RELCH: variants seen among roughly 807,000 people sequenced by gnomAD.
RELCH encodes the protein RAB11-binding protein RELCH.
Under a neutral mutation model 150.3 loss-of-function variants are expected in RELCH, and 41 were observed. The ratio of observed to expected loss-of-function variants is 0.27; its 90% CI spans 0.21 to 0.35. RELCH has a LOEUF of 0.35. RELCH is among the 10% of genes least tolerant of loss of function. The pLI is 1.00. For synonymous variants in RELCH, 478 were observed against 531.8 expected (o/e 0.90, Z 1.39); for missense variants, 1,092 against 1,467.8 (o/e 0.74, Z 4.18).
At position 62,291,538 on chromosome 18, in the gene RELCH, C is replaced by T. The variant is rs765544795; in HGVS notation, c.3371-5C>T. On this transcript the variant is annotated splice_region_variant and splice_polypyrimidine_tract_variant and intron_variant, in intron 26 of 28. Coordinates refer to ENST00000644646, the MANE Select transcript of RELCH (RefSeq NM_001346231.2). ...GTTTAATTCCCTTAACTACCTTGTCCCAAGTCATTTCAGAGGATTTAATGG... is the reference window on the plus strand; with the variant it reads ...GTTTAATTCCCTTAACTACCTTGTCTCAAGTCATTTCAGAGGATTTAATGG... 6.3e-7 allele frequency: 1 copy of T among 1,595,172 alleles called. No homozygotes were observed. Among genetic ancestry groups the T allele is most frequent in the Admixed American group, 1.7e-5 (1 of 58,446 alleles).
chr18:62,302,146 A>C lies in RELCH; in HGVS notation c.3531-3268A>C, dbSNP rs1439560505. Among the ~76,000 whole-genome samples, 4 of 152,258 alleles carry C rather than the reference A, an allele frequency of 2.6e-5. 1 individual carries two copies. Among genetic ancestry groups the C allele is most frequent in the Admixed American group, 2.6e-4 (4 of 15,288 alleles). On this transcript the variant is annotated intron_variant, in intron 28 of 28. Transcript: ENST00000644646. ...CTTGGCAGCTGATTAAGAGTGAAGG[A>C]GAACAGAATCAAAAGATTCCTACAT... is the stretch of plus-strand genomic sequence containing the variant.
At chr18:62,269,393 T>C (rs756640039) in intron 20 of RELCH, 2 of 427,218 alleles carry the variant, frequency 4.7e-6, no homozygotes, top group South Asian at 3.4e-5. Context: ...TTTTCAGATT[T>C]TGGATTTTTT....
At chr18:62,211,264 G>C in intron 2 of RELCH, 22 bp downstream of exon 2, 1 of 1,417,912 alleles carries the variant, frequency 7.1e-7, no homozygotes, top group Non-Finnish European at 9.9e-7. Flanking sequence ...TGTAAGGACA[G>C]ATTTGGATTC....
At chr18:62,268,847 TA>T in intron 19 of RELCH, 21 bp from the exon 20 acceptor site, 3 of 1,247,916 alleles carry the variant, frequency 2.4e-6, no homozygotes, top group Non-Finnish European at 3.3e-6. Context: ...TATGTTTTTT[TA>T]AATTATTTTA....
At chr18:62,301,591 G>A (rs890281543) in intron 28 of RELCH, among the ~76,000 whole-genome samples, 7 of 152,164 alleles carry the variant, frequency 4.6e-5, no homozygotes, top group Admixed American at 1.3e-4. Context: ...AGAATCACCT[G>A]GAAATTGCTG....
chr18:62,255,058 T>A (rs1478894599), intron 12 of RELCH, among the ~76,000 whole-genome samples: 1 of 151,982 alleles, frequency 6.6e-6, no homozygotes, highest in Non-Finnish European at 1.5e-5. Flanking sequence ...AGAAGCTGAG[T>A]TTTCCAAGTT....
chr18:62,284,939 C>G (rs2044711269), intron 25 of RELCH, among the ~76,000 whole-genome samples: 1 of 151,168 alleles, frequency 6.6e-6, no homozygotes, highest in South Asian at 2.2e-4. Context: ...TGAAAATGTT[C>G]AGTCGTACAT....
intron 10 of RELCH, among the ~76,000 whole-genome samples, chr18:62,239,877 C>T (rs889250691): frequency 7.2e-5 from 11 of 152,014 alleles, no homozygotes; most frequent in Admixed American, 2.0e-4. Flanking sequence ...GGTTCCTCCA[C>T]GCCTTCTGTG....
At chr18:62,218,614 A>G (rs2040629917) in intron 2 of RELCH, among the ~76,000 whole-genome samples, 1 of 151,968 alleles carries the variant, frequency 6.6e-6, no homozygotes, top group Non-Finnish European at 1.5e-5. Flanking sequence ...GTTTCAACTA[A>G]TCTGGAGTTG....
At chr18:62,233,010 T>C (rs560211086) in intron 10 of RELCH, among the ~76,000 whole-genome samples, 8 of 151,988 alleles carry the variant, frequency 5.3e-5, no homozygotes, top group African/African-American at 1.4e-4. Flanking sequence ...TAACCGGTTA[T>C]TGACAGATGC....
At chr18:62,221,647 G>T in intron 5 of RELCH, 150 bp downstream of exon 5, 2 of 443,362 alleles carry the variant, frequency 4.5e-6, no homozygotes. Flanking sequence ...CTTGCCTGAA[G>T]CTAATTCTAT....
At chr18:62,209,371 C>T (rs2040014476) in intron 1 of RELCH, among the ~76,000 whole-genome samples, 1 of 152,100 alleles carries the variant, frequency 6.6e-6, no homozygotes, top group Admixed American at 6.6e-5. Context: ...ACAGTTGGCC[C>T]AGCACAATTT....
chr18:62,195,788 C>T (rs941637993), intron 1 of RELCH, among the ~76,000 whole-genome samples: 15 of 151,778 alleles, frequency 9.9e-5, no homozygotes, highest in Non-Finnish European at 1.5e-4. Context: ...CTCCACCTCC[C>T]GGGTTCAAGC....
chr18:62,223,210 T>G (rs1332822704), intron 5 of RELCH, among the ~76,000 whole-genome samples: 1 of 151,928 alleles, frequency 6.6e-6, no homozygotes, highest in Non-Finnish European at 1.5e-5. Context: ...TTTGAGAAGA[T>G]CAGTAAAATT....
chr18:62,237,563 T>C (rs1358563863), intron 10 of RELCH, among the ~76,000 whole-genome samples: 1 of 151,834 alleles, frequency 6.6e-6, no homozygotes, highest in African/African-American at 2.4e-5. Flanking sequence ...TATATCATGA[T>C]ATAAAGAACT....
At chr18:62,203,328 G>A (rs1473688832) in intron 1 of RELCH, among the ~76,000 whole-genome samples, 1 of 151,974 alleles carries the variant, frequency 6.6e-6, no homozygotes, top group Non-Finnish European at 1.5e-5. Context: ...GTGGTGGCGG[G>A]CGCCTGTAGT....
At chr18:62,191,425 T>G (rs2038627102) in intron 1 of RELCH, among the ~76,000 whole-genome samples, 1 of 152,196 alleles carries the variant, frequency 6.6e-6, no homozygotes, top group Non-Finnish European at 1.5e-5. Flanking sequence ...TTTGCACCGT[T>G]TTTTTCACCT....
At chr18:62,206,050 TGATA>T (rs1183662295) in intron 1 of RELCH, among the ~76,000 whole-genome samples, 1 of 152,118 alleles carries the variant, frequency 6.6e-6, no homozygotes, top group Non-Finnish European at 1.5e-5. Flanking sequence ...AAACTTGAGT[TGATA>T]GATAGCAAGT....
At chr18:62,188,103 G>GT in intron 1 of RELCH, 72 bp downstream of exon 1, 1 of 1,431,174 alleles carries the variant, frequency 7.0e-7, no homozygotes, top group Non-Finnish European at 9.2e-7. Flanking sequence ...GGGGAGAGGG[G>GT]GTATTTCTGC....
Sources: allele counts gnomAD v4.1 joint callset (sites outside exome capture counted in the v4.1 genomes callset), GRCh38; gene constraint gnomAD v4.1.1; transcripts MANE v1.5; gene names NCBI Gene and HGNC (gene_info 2026-07-23, HGNC 2026-07-21).